PARD3B: variants seen among roughly 807,000 people sequenced by gnomAD.
PARD3B encodes the protein partitioning defective 3 homolog B.
In PARD3B, 103 loss-of-function variants were observed where a neutral mutation model predicts 130.2. The ratio of observed to expected loss-of-function variants is 0.79; its 90% confidence interval spans 0.67 to 0.93. The LOEUF (loss-of-function observed/expected upper bound fraction) is 0.93. PARD3B is among the 40% of genes least tolerant of loss of function. The probability of loss-of-function intolerance (pLI) is 0.00; values close to 1 mark genes in which losing one functional copy is unlikely to be tolerated. For missense variants in PARD3B, 1,609 were observed against 1,499.2 expected, an observed-to-expected ratio of 1.07 and a Z score of -1.21; for synonymous variants, 583 against 553.2, an observed-to-expected ratio of 1.05 and a Z score of -0.76.
intron 2 of PARD3B, among the ~76,000 whole-genome samples, chr2:204,952,649 G>A (rs1232651780): frequency 6.6e-6 from 1 of 152,074 alleles, no homozygotes; most frequent in Non-Finnish European, 1.5e-5. Context: ...AAAAAGAAGG[G>A]CAAAGAGTAT....
At chr2:205,365,155 G>T (rs1332788545) in intron 18 of PARD3B, among the ~76,000 whole-genome samples, 1 of 149,010 alleles carries the variant, frequency 6.7e-6, no homozygotes, top group Non-Finnish European at 1.5e-5. Flanking sequence ...AGCTGAGATA[G>T]TGCCATTGTA....
chr2:205,497,010 C>T (rs1036943619), intron 20 of PARD3B, among the ~76,000 whole-genome samples: 8 of 151,960 alleles, frequency 5.3e-5, no homozygotes, highest in African/African-American at 1.4e-4. Flanking sequence ...ATGGTCATCT[C>T]GTATTACTCA....
chr2:204,907,821 A>G lies in PARD3B; in HGVS notation c.223-57331A>G, dbSNP rs1286067884. Among the ~76,000 whole-genome samples the G allele has an allele frequency of 1.3e-5, 2 of 151,324 alleles. No homozygotes were observed. The highest frequency in any genetic ancestry group is 6.6e-5 in the Admixed American group (1 of 15,192). On this transcript the variant is annotated intron_variant, in intron 2 of 22. Coordinates refer to ENST00000406610, the MANE Select transcript of PARD3B (RefSeq NM_001302769.2). The surrounding 1 kb of genome is among the most constrained non-coding windows in gnomAD (Gnocchi z 5.7). ...GGGTCAAGCAATTCCCCTGCCTCCAACTCCTGAGTAGCTGGGACTACAGGT... is the reference window on the plus strand; with the variant it reads ...GGGTCAAGCAATTCCCCTGCCTCCAGCTCCTGAGTAGCTGGGACTACAGGT...
chr2:205,381,993 A>T (rs1322010406), intron 18 of PARD3B, among the ~76,000 whole-genome samples: 1 of 152,058 alleles, frequency 6.6e-6, no homozygotes, highest in Non-Finnish European at 1.5e-5. Flanking sequence ...CAGTTTTCAT[A>T]TACTTTTTAC....
intron 2 of PARD3B, among the ~76,000 whole-genome samples, chr2:204,786,629 C>T (rs558253237): frequency 8.3e-4 from 125 of 151,498 alleles, no homozygotes; most frequent in Non-Finnish European, 1.6e-3. Context: ...GTCCTGTTTC[C>T]CCTTGTCAGT....
intron 18 of PARD3B, among the ~76,000 whole-genome samples, chr2:205,310,797 C>T (rs1033775354): frequency 1.5e-5 from 2 of 132,090 alleles, no homozygotes; most frequent in African/African-American, 5.7e-5. Context: ...GATCACAGCT[C>T]ACTGCAATCT....
chr2:205,531,860 G>A (rs901755129), intron 21 of PARD3B, among the ~76,000 whole-genome samples: 2 of 152,204 alleles, frequency 1.3e-5, no homozygotes, highest in African/African-American at 4.8e-5. Context: ...CAGATCATCA[G>A]GAACCATGAT....
intron 2 of PARD3B, among the ~76,000 whole-genome samples, chr2:204,845,506 T>C (rs2044425183): frequency 6.6e-6 from 1 of 152,156 alleles, no homozygotes; most frequent in African/African-American, 2.4e-5. Context: ...TTGTTAGATA[T>C]GTAAGGGGTG....
intron 2 of PARD3B, among the ~76,000 whole-genome samples, chr2:204,941,308 A>G (rs1688883114): frequency 6.6e-6 from 1 of 152,158 alleles, no homozygotes; most frequent in Non-Finnish European, 1.5e-5. Flanking sequence ...CGGAAGGCGG[A>G]GGTTGCAGTG....
chr2:205,237,156 A>G (rs1574471556), intron 15 of PARD3B, among the ~76,000 whole-genome samples: 1 of 152,230 alleles, frequency 6.6e-6, no homozygotes, highest in East Asian at 1.9e-4. Context: ...CTAGGGTGCA[A>G]TGACGCGATC....
At position 204,610,440 on chromosome 2, in the gene PARD3B, CG is replaced by C. The variant is rs2033880150; in HGVS notation, c.120+64322del. Among the ~76,000 whole-genome samples the C allele has an allele frequency of 6.6e-6, 1 of 152,164 alleles. No individual in the cohort carries two copies. Among genetic ancestry groups the C allele is most frequent in the Admixed American group, 6.5e-5 (1 of 15,272 alleles). The stretch of plus-strand genomic sequence containing the variant: ...GCACGGTCTTGGCTTACTGCAACCT[CG>C]ACCTCCCATGTTAAAGCGATTCTCC... On this transcript the variant is annotated intron_variant, in intron 1 of 22. Coordinates refer to ENST00000406610, the MANE Select transcript of PARD3B (RefSeq NM_001302769.2). This position sits in a 1 kb window ranked among gnomAD's most constrained non-coding sequence, Gnocchi z 4.1.
chr2:204,976,768 A>G (rs1388036223), intron 3 of PARD3B, among the ~76,000 whole-genome samples: 1 of 151,694 alleles, frequency 6.6e-6, no homozygotes, highest in Non-Finnish European at 1.5e-5. Flanking sequence ...CATCACACCC[A>G]GCTAATTTTC....
chr2:204,926,974 C>A (rs1442844394), intron 2 of PARD3B, among the ~76,000 whole-genome samples: 1 of 151,968 alleles, frequency 6.6e-6, no homozygotes, highest in African/African-American at 2.4e-5. Flanking sequence ...GGAAGAGGAG[C>A]AAGTAATTCC....
At chr2:205,084,103 A>T (rs1701600524) in intron 4 of PARD3B, among the ~76,000 whole-genome samples, 2 of 152,164 alleles carry the variant, frequency 1.3e-5, no homozygotes, top group East Asian at 3.8e-4. Flanking sequence ...TCTCAAAAAA[A>T]ATCTAAGGAT....
At chr2:204,982,638 C>T (rs1449925075) in intron 3 of PARD3B, among the ~76,000 whole-genome samples, 1 of 152,220 alleles carries the variant, frequency 6.6e-6, no homozygotes, top group East Asian at 1.9e-4. Context: ...CACAATCTTT[C>T]AGCTCAAGCT....
intron 10 of PARD3B, among the ~76,000 whole-genome samples, chr2:205,148,526 A>G (rs969912204): frequency 8.5e-5 from 13 of 152,190 alleles, no homozygotes; most frequent in Admixed American, 4.6e-4. Flanking sequence ...AGAAGATTAA[A>G]TAATTTCAGA....
chr2:204,644,772 A>G (rs1574608414), intron 1 of PARD3B, among the ~76,000 whole-genome samples: 1 of 152,146 alleles, frequency 6.6e-6, no homozygotes, highest in African/African-American at 2.4e-5. Flanking sequence ...TTTATGGTAC[A>G]TGATATCATG....
chr2:205,522,701 T>C (rs1175827419), intron 21 of PARD3B, among the ~76,000 whole-genome samples: 2 of 152,170 alleles, frequency 1.3e-5, no homozygotes, highest in African/African-American at 4.8e-5. Flanking sequence ...GCATACCATA[T>C]TTCCTTAAAT....
chr2:204,998,434 ATGTG>A lies in PARD3B; in HGVS notation c.394+33117_394+33120del, dbSNP rs1175039358. Among the ~76,000 whole-genome samples the A allele has an allele frequency of 9.9e-3, 170 of 17,214 alleles. No homozygotes were observed. In the East Asian group the frequency reaches 0.21, roughly 21 times the overall value. The allele number at this position is 17,214 out of a possible 152,430, so 11.3% of individuals were successfully genotyped here. A position where few individuals can be genotyped will look rare whatever the true frequency, so the allele number is the denominator to read the frequency against. ...TATATATGTATATATGTGTATATAT[ATGTG>A]TGTGTATATATATGTGTATATTATA... On this transcript the variant is annotated intron_variant, in intron 3 of 22. Coordinates refer to ENST00000406610, the MANE Select transcript of PARD3B (RefSeq NM_001302769.2).
Sources: allele counts gnomAD v4.1 joint callset (sites outside exome capture counted in the v4.1 genomes callset), GRCh38; gene constraint gnomAD v4.1.1; non-coding constraint Gnocchi (gnomAD v3.1); transcripts MANE v1.5; gene names NCBI Gene and HGNC (gene_info 2026-07-23, HGNC 2026-07-21).